The following VAV3 variants were observed in gnomAD, a reference collection of about 807,000 sequenced individuals.
VAV3 encodes the protein vav guanine nucleotide exchange factor 3, also known as guanine nucleotide exchange factor VAV3.
In VAV3, 94 loss-of-function variants were observed where a neutral mutation model predicts 131.2. The observed-to-expected ratio is 0.72, with a 90% CI of 0.61 to 0.85. The LOEUF (loss-of-function observed/expected upper bound fraction) is 0.85, where lower values mean the gene tolerates loss of function less well. Ranked by LOEUF, VAV3 falls within the 40% of genes least tolerant of loss-of-function variation. VAV3 has a pLI of 0.00. For missense variants in VAV3, 939 were observed against 1,002.7 expected (o/e 0.94, Z 0.86); for synonymous variants, 349 against 342.0 (o/e 1.02, Z -0.22).
chr1:107,734,946 C>T (rs908495677), intron 15 of VAV3, among the ~76,000 whole-genome samples: 5 of 152,326 alleles, frequency 3.3e-5, no homozygotes, highest in Non-Finnish European at 5.9e-5. Context: ...AAATTGACCA[C>T]ATAGTTGGAA....
At chr1:107,856,170 G>T (rs1027895731) in intron 2 of VAV3, among the ~76,000 whole-genome samples, 7 of 152,192 alleles carry the variant, frequency 4.6e-5, no homozygotes, top group Non-Finnish European at 8.8e-5. Flanking sequence ...CTCAAAAGCC[G>T]ACATGAAATC....
intron 15 of VAV3, among the ~76,000 whole-genome samples, chr1:107,730,352 G>T (rs1360837187): frequency 2.0e-5 from 3 of 152,154 alleles, no homozygotes; most frequent in East Asian, 1.9e-4. Flanking sequence ...CTGATAATTG[G>T]CCAGGGCTTA....
chr1:107,769,554 G>C (rs1214471000), intron 6 of VAV3, among the ~76,000 whole-genome samples: 1 of 152,188 alleles, frequency 6.6e-6, no homozygotes, highest in Non-Finnish European at 1.5e-5. Context: ...ATCTCACTTA[G>C]TCCCAGGGCC....
At chr1:107,836,414 A>G (rs190851263) in intron 2 of VAV3, among the ~76,000 whole-genome samples, 85 of 152,346 alleles carry the variant, frequency 5.6e-4, no homozygotes, top group African/African-American at 2.0e-3. Context: ...TACTTGGGAT[A>G]TAATGAGAGT....
intron 25 of VAV3, 59 bp downstream of exon 25, chr1:107,596,153 G>A (rs923065893): frequency 3.8e-6 from 6 of 1,586,498 alleles, no homozygotes; most frequent in Middle Eastern, 1.7e-4. Flanking sequence ...GATGTTTAAT[G>A]TTATTGTGCC....
chr1:107,821,610 C>T (rs368712291), intron 2 of VAV3, among the ~76,000 whole-genome samples: 1 of 152,146 alleles, frequency 6.6e-6, no homozygotes, highest in Admixed American at 6.5e-5. Context: ...ACAGCTGACA[C>T]GTCCACAGTA....
intron 1 of VAV3, among the ~76,000 whole-genome samples, chr1:107,901,405 A>G (rs1485107571): frequency 1.3e-5 from 2 of 152,238 alleles, no homozygotes; most frequent in African/African-American, 4.8e-5. Context: ...AGCTCAAATT[A>G]CTGTGTAGTT....
chr1:107,656,835 T>C (rs1017384171), intron 19 of VAV3, among the ~76,000 whole-genome samples: 4 of 151,176 alleles, frequency 2.6e-5, no homozygotes, highest in East Asian at 1.9e-4. Flanking sequence ...TTCCCAAGAG[T>C]AGAAAAAGAG....
rs61283572 is a variant in VAV3 at position 107,698,361 on chromosome 1, C to T, written c.1705+6189G>A. On this transcript the variant is annotated intron_variant, in intron 17 of 26. Transcript: ENST00000370056. ...GCTAGCCACAGCTACCAGTCAGCCA[C>T]GAAATCACAAGGGGAAGCAAACAAT... is the stretch of plus-strand genomic sequence containing the variant. Among the ~76,000 whole-genome samples, 1,106 of 152,274 alleles carry T rather than the reference C, an allele frequency of 7.3e-3. 12 individuals are homozygous for T. Among genetic ancestry groups the T allele is most frequent in the African/African-American group, 0.026 (1,062 of 41,534 alleles).
chr1:107,878,637 A>G (rs2101029424), intron 1 of VAV3, among the ~76,000 whole-genome samples: 1 of 152,314 alleles, frequency 6.6e-6, no homozygotes, highest in Non-Finnish European at 1.5e-5. Context: ...AGTACTTCAT[A>G]CTGTGAACTT....
intron 25 of VAV3, among the ~76,000 whole-genome samples, chr1:107,580,619 T>C (rs1158118306): frequency 6.6e-6 from 1 of 152,270 alleles, no homozygotes; most frequent in East Asian, 1.9e-4. Context: ...GCGTGACTTA[T>C]TGTTGCCACT....
chr1:107,699,630 C>T (rs2101823242), intron 17 of VAV3, among the ~76,000 whole-genome samples: 1 of 152,340 alleles, frequency 6.6e-6, no homozygotes, highest in South Asian at 2.1e-4. Context: ...CAGAGGTTCT[C>T]CATGAGGGCC....
chr1:107,629,969 G>C (rs577799854), intron 20 of VAV3, among the ~76,000 whole-genome samples: 5 of 152,102 alleles, frequency 3.3e-5, no homozygotes, highest in African/African-American at 1.2e-4. Flanking sequence ...AGAGAAAACA[G>C]GTCAGAAAGC....
chr1:107,590,595 A>G (rs753477513), intron 25 of VAV3, among the ~76,000 whole-genome samples: 2 of 152,186 alleles, frequency 1.3e-5, no homozygotes, highest in Non-Finnish European at 2.9e-5. Context: ...ATCCGCAGGT[A>G]CCTAAACACT....
At chr1:107,921,905 A>G (rs1557925542) in intron 1 of VAV3, among the ~76,000 whole-genome samples, 1 of 152,218 alleles carries the variant, frequency 6.6e-6, no homozygotes, top group Non-Finnish European at 1.5e-5. Context: ...TTGCTATTAC[A>G]CTAGTTCATG....
intron 1 of VAV3, among the ~76,000 whole-genome samples, chr1:107,887,082 A>G (rs1381260136): frequency 6.6e-6 from 1 of 152,248 alleles, no homozygotes; most frequent in African/African-American, 2.4e-5. Context: ...GTATGTTTTT[A>G]CTAGTCAAAG....
intron 1 of VAV3, among the ~76,000 whole-genome samples, chr1:107,941,820 T>C (rs975941518): frequency 9.2e-5 from 14 of 152,184 alleles, no homozygotes; most frequent in African/African-American, 3.1e-4. Context: ...TGTTTTATCA[T>C]AAAATCTCCC....
At chr1:107,765,746 A>C (rs1166256922) in intron 8 of VAV3, among the ~76,000 whole-genome samples, 1 of 152,190 alleles carries the variant, frequency 6.6e-6, no homozygotes, top group Non-Finnish European at 1.5e-5. Flanking sequence ...TCTCTGTAGC[A>C]CAAATATTTT....
chr1:107,596,244 G>A lies in VAV3; in HGVS notation c.2318C>T (p.Ala773Val), dbSNP rs1336978728. ...QFPYKEPEHS[A>V]GQRGNRAGNS... The stretch of plus-strand genomic sequence containing the variant: ...GCCTGCTCTATTACCCCTCTGTCCA[G>A]CTGAATGTTCTGGCTCCTTGTATGG... Residue 773 changes from alanine (A) to valine (V), a missense_variant, in exon 25 of 27, where the codon GCT becomes GTT. Ala to Val is a moderately conservative substitution (Grantham distance 64, BLOSUM62 0). Transcript: ENST00000370056. 5.6e-6 allele frequency: 9 copies of A among 1,613,532 alleles called. No individual in the cohort carries two copies. The highest frequency in any genetic ancestry group is 7.6e-6 in the Non-Finnish European group (9 of 1,179,570).
Sources: allele counts gnomAD v4.1 joint callset (sites outside exome capture counted in the v4.1 genomes callset), GRCh38; gene constraint gnomAD v4.1.1; transcripts MANE v1.5; gene names NCBI Gene and HGNC (gene_info 2026-07-23, HGNC 2026-07-21).